BBIP1: variants seen among roughly 807,000 people sequenced by gnomAD.
The protein encoded by BBIP1 is BBSome-interacting protein 1.
BBIP1 carries 6 observed loss-of-function variants against 8.9 expected under a neutral mutation model. The observed-to-expected ratio is 0.67, with a 90% CI of 0.37 to 1.33. The LOEUF (loss-of-function observed/expected upper bound fraction) is 1.33, where lower values mean the gene tolerates loss of function less well. BBIP1 is among the 40% of genes most tolerant of loss of function. BBIP1 has a pLI of 0.02. For synonymous variants in BBIP1, 32 were observed against 33.4 expected, an observed-to-expected ratio of 0.96 and a Z score of 0.14; for missense variants, 111 against 109.2, an observed-to-expected ratio of 1.02 and a Z score of -0.07.
chr10:110,901,309 A>AT, intron 3 of BBIP1: 1 of 521,878 alleles, frequency 1.9e-6, no homozygotes, highest in South Asian at 2.1e-5. Context: ...GTAATTAGGA[A>AT]TTTTAGGAAT....
intron 2 of BBIP1, among the ~76,000 whole-genome samples, chr10:110,915,479 A>T (rs1178154829): frequency 6.6e-6 from 1 of 152,130 alleles, no homozygotes; most frequent in Non-Finnish European, 1.5e-5. Context: ...AGTCCCCCAC[A>T]TTAAACTTAA....
chr10:110,908,317 C>A (rs77723131), intron 2 of BBIP1: 1 of 152,192 alleles, frequency 6.6e-6, no homozygotes, highest in East Asian at 1.9e-4. Context: ...TCTTTTTCTC[C>A]TATCACAAGG....
chr10:110,900,253 C>T lies in BBIP1; in HGVS notation c.*107G>A. Reference sequence around the variant, plus strand: ...ATTTTTGTATTTCTATGAATACTATCAATTTTATTGATAACACATACTACT... The same window carrying T: ...ATTTTTGTATTTCTATGAATACTATTAATTTTATTGATAACACATACTACT... On this transcript the variant is annotated 3_prime_UTR_variant, in exon 4 of 4. Coordinates refer to ENST00000448814, the MANE Select transcript of BBIP1 (RefSeq NM_001195305.3). The T allele has an allele frequency of 1.9e-6, 2 of 1,055,162 alleles. No homozygotes were observed. The highest frequency in any genetic ancestry group is 2.7e-5 in the East Asian group (1 of 36,486). 65.4% of individuals were successfully genotyped at this position (1,055,162 alleles called of 1,614,324 possible).
intron 2 of BBIP1, among the ~76,000 whole-genome samples, chr10:110,917,194 A>ATTTTTTT (rs67066048): frequency 6.5e-5 from 7 of 107,970 alleles, no homozygotes; most frequent in Non-Finnish European, 8.9e-5. Context: ...CTGGATCCTG[A>ATTTTTTT]TTTTTTTTTT....
intron 2 of BBIP1, 190 bp downstream of exon 2, chr10:110,917,931 C>T (rs936840260): frequency 6.7e-6 from 4 of 600,040 alleles, no homozygotes; most frequent in South Asian, 2.0e-5. Context: ...CACATCTCCA[C>T]GGGTAACAGA....
chr10:110,914,302 A>G (rs1047893653), intron 2 of BBIP1, among the ~76,000 whole-genome samples: 1 of 152,150 alleles, frequency 6.6e-6, no homozygotes, highest in Non-Finnish European at 1.5e-5. Flanking sequence ...TGGGTCCCTT[A>G]AAGTAAATTC....
intron 2 of BBIP1, 162 bp from the exon 3 acceptor site, chr10:110,901,774 TTGTA>T: frequency 1.6e-6 from 1 of 613,766 alleles, no homozygotes; most frequent in Non-Finnish European, 2.9e-6. Context: ...TTGGGATAGT[TTGTA>T]TAAGCATTTA....
intron 3 of BBIP1, chr10:110,901,220 CGGT>C (rs1845991515): frequency 7.4e-6 from 3 of 405,824 alleles, no homozygotes; most frequent in Non-Finnish European, 1.4e-5. Context: ...TTCAAGGCTG[CGGT>C]GAGCTACGGT....
At chr10:110,919,067 C>A (rs955908393) in intron 1 of BBIP1, 54 bp downstream of exon 1, 1 of 152,594 alleles carries the variant, frequency 6.6e-6, no homozygotes, top group Non-Finnish European at 1.5e-5. Context: ...TATGAATTAA[C>A]TTGTCTAACA....
At chr10:110,907,076 A>G (rs1003705822) in intron 2 of BBIP1, 2 of 152,280 alleles carry the variant, frequency 1.3e-5, no homozygotes, top group African/African-American at 4.8e-5. Flanking sequence ...CTTAATAATT[A>G]GCGAAGCCCT....
At chr10:110,904,542 AG>A (rs1437469187) in intron 2 of BBIP1, 1 of 152,252 alleles carries the variant, frequency 6.6e-6, no homozygotes, top group African/African-American at 2.4e-5. Context: ...AAAAGTTAAA[AG>A]TCTGATAGTA....
chr10:110,899,248 T>G lies in BBIP1; in HGVS notation c.*1112A>C, dbSNP rs1326311133. 2.0e-5 allele frequency: 3 copies of G among 152,240 alleles called. No homozygotes were observed. The highest frequency in any genetic ancestry group is 7.2e-5 in the African/African-American group (3 of 41,456). The allele number at this position is 152,240 out of a possible 1,614,324, so 9.4% of individuals were successfully genotyped here. On this transcript the variant is annotated 3_prime_UTR_variant, in exon 4 of 4. Transcript: ENST00000448814. ...GCAAACAAGAATTATATTCAGAATT[T>G]ATGAGGGTACTGTTAGGAGTATACT...
In BBIP1 at chr10:110,900,158, GT is replaced by G. The variant is rs1298205739; in HGVS notation, c.*201del. On this transcript the variant is annotated 3_prime_UTR_variant, in exon 4 of 4. Coordinates refer to ENST00000448814, the MANE Select transcript of BBIP1 (RefSeq NM_001195305.3). ...TAAACCCCATAAAACTTGGTTCATA[GT>G]TTAACTGTTTATGTTCAATACAAAC... 2 of 483,416 alleles carry G rather than the reference GT, an allele frequency of 4.1e-6. No homozygotes were observed. Among genetic ancestry groups the G allele is most frequent in the Admixed American group, 8.3e-5 (2 of 24,146 alleles). 29.9% of individuals were successfully genotyped at this position (483,416 alleles called of 1,614,324 possible).
intron 2 of BBIP1, among the ~76,000 whole-genome samples, chr10:110,909,970 C>G (rs1013752692): frequency 6.6e-6 from 1 of 152,154 alleles, no homozygotes; most frequent in South Asian, 2.1e-4. Context: ...AAACCAGTTT[C>G]TTTCTTTGGT....
chr10:110,913,200 C>A (rs1469929098), intron 2 of BBIP1, among the ~76,000 whole-genome samples: 1 of 152,192 alleles, frequency 6.6e-6, no homozygotes, highest in Non-Finnish European at 1.5e-5. Context: ...CATTTCTTAG[C>A]CAACCAGAGG....
At chr10:110,901,306 G>C in intron 3 of BBIP1, 1 of 518,952 alleles carries the variant, frequency 1.9e-6, no homozygotes, top group Non-Finnish European at 3.5e-6. Flanking sequence ...ATTGTAATTA[G>C]GAATTTTAGG....
chr10:110,909,483 C>T (rs926872926), intron 2 of BBIP1, among the ~76,000 whole-genome samples: 5 of 152,212 alleles, frequency 3.3e-5, no homozygotes, highest in Non-Finnish European at 5.9e-5. Context: ...CATGAGCCAC[C>T]GTGCCCGGCC....
intron 3 of BBIP1, chr10:110,900,814 T>C: frequency 3.2e-6 from 1 of 311,438 alleles, no homozygotes. Flanking sequence ...TAAAATAAGA[T>C]TTGGCAGAAT....
intron 2 of BBIP1, among the ~76,000 whole-genome samples, chr10:110,915,524 CTAAA>C (rs1164778593): frequency 6.6e-6 from 1 of 152,144 alleles, no homozygotes; most frequent in Admixed American, 6.5e-5. Context: ...CCTTCACTCA[CTAAA>C]TAATCAATGT....
Sources: gnomAD v4.1 joint callset for allele counts (sites outside exome capture counted in the v4.1 genomes callset) on GRCh38, gnomAD v4.1.1 for gene constraint, MANE v1.5 for transcripts, NCBI Gene and HGNC (gene_info 2026-07-23, HGNC 2026-07-21) for gene names.